The following ATP8A2 variants were observed in gnomAD, a reference collection of about 807,000 sequenced individuals.
ATP8A2 encodes the protein phospholipid-transporting ATPase IB.
A neutral mutation model predicts 165.6 loss-of-function variants in ATP8A2; 100 were observed. The ratio of observed to expected loss-of-function variants is 0.60; its 90% CI spans 0.51 to 0.71. ATP8A2 has a LOEUF of 0.71. ATP8A2 is among the 30% of genes least tolerant of loss of function. The probability of loss-of-function intolerance (pLI) is 0.00; values close to 1 mark genes in which losing one functional copy is unlikely to be tolerated. For missense variants in ATP8A2, 1,227 were observed against 1,479.5 expected, an observed-to-expected ratio of 0.83 and a Z score of 2.80; for synonymous variants, 543 against 548.8, an observed-to-expected ratio of 0.99 and a Z score of 0.15.
At chr13:25,600,489 T>C (rs2040354105) in intron 24 of ATP8A2, among the ~76,000 whole-genome samples, 1 of 152,132 alleles carries the variant, frequency 6.6e-6, no homozygotes, top group Admixed American at 6.5e-5. Context: ...AATTAGGTGC[T>C]TGTGAAATTA....
At chr13:25,571,175 T>A (rs2039457134) in intron 17 of ATP8A2, among the ~76,000 whole-genome samples, 1 of 152,126 alleles carries the variant, frequency 6.6e-6, no homozygotes, top group Non-Finnish European at 1.5e-5. Context: ...TTCTTCCTCA[T>A]CCTCCCCACC....
chr13:25,940,024 C>T (rs769638892), intron 33 of ATP8A2, among the ~76,000 whole-genome samples: 3 of 152,134 alleles, frequency 2.0e-5, no homozygotes, highest in African/African-American at 2.4e-5. Context: ...TTTGGCGAAA[C>T]GTGAAAGGAT....
At chr13:25,610,422 T>C (rs2040652846) in intron 24 of ATP8A2, among the ~76,000 whole-genome samples, 1 of 152,202 alleles carries the variant, frequency 6.6e-6, no homozygotes, top group African/African-American at 2.4e-5. Flanking sequence ...ATCAGTTGGC[T>C]GTAAGTATTT....
chr13:25,719,151 T>C (rs577770396), intron 25 of ATP8A2, among the ~76,000 whole-genome samples: 2 of 152,334 alleles, frequency 1.3e-5, no homozygotes, highest in South Asian at 4.1e-4. Context: ...GTGATCCGGC[T>C]CTATGCTTTA....
In ATP8A2 at chr13:25,468,981, T is replaced by G; in HGVS notation, c.81T>G (p.Pro27=). The G allele has an allele frequency of 2.5e-6, 4 of 1,613,956 alleles. No homozygotes were observed. In the South Asian group the frequency reaches 4.4e-5, roughly 18 times the overall value. Residue 27 remains proline (P), a synonymous_variant, in exon 2 of 37, where the codon CCT becomes CCG. Transcript: ENST00000381655. ...RRSRIRSSVG[P]VRSSLGYKKA... Reference sequence around the variant, plus strand: ...GCCTGCGCCCTGTCTCTGCAGGACCTGTTCGTTCTTCTTTGGGCTATAAGA... The same window carrying G: ...GCCTGCGCCCTGTCTCTGCAGGACCGGTTCGTTCTTCTTTGGGCTATAAGA...
chr13:25,450,571 G>A (rs534595929), intron 1 of ATP8A2, among the ~76,000 whole-genome samples: 37 of 152,032 alleles, frequency 2.4e-4, no homozygotes, highest in Middle Eastern at 3.4e-3. Flanking sequence ...TCGCTCTGTC[G>A]CCCAGGCTGG....
At position 25,372,300 on chromosome 13, in the gene ATP8A2, G is replaced by A. The variant is rs901476524; in HGVS notation, c.76+12G>A. On this transcript the variant is annotated intron_variant, in intron 1 of 36. Transcript: ENST00000381655. The surrounding 1 kb of genome is among the most constrained non-coding windows in gnomAD (Gnocchi z 4.8). ...CCGCTCGTCCGTGGGTGAGCTGGGA[G>A]GGGCGCGGCGAGGGAGGGTGGGCCC... The A allele has an allele frequency of 6.8e-7, 1 of 1,468,214 alleles. No individual in the cohort carries two copies. Among genetic ancestry groups the A allele is most frequent in the African/African-American group, 1.5e-5 (1 of 67,662 alleles). The allele number at this position is 1,468,214 out of a possible 1,614,324, so 90.9% of individuals were successfully genotyped here. A position where few individuals can be genotyped will look rare whatever the true frequency, so the allele number is the denominator to read the frequency against.
At chr13:25,751,467 A>G (rs929399685) in intron 25 of ATP8A2, among the ~76,000 whole-genome samples, 1 of 151,356 alleles carries the variant, frequency 6.6e-6, no homozygotes, top group Admixed American at 6.6e-5. Context: ...TTTTTCTTTT[A>G]AGAGACAGGG....
At chr13:25,502,387 T>C (rs1308966552) in intron 2 of ATP8A2, among the ~76,000 whole-genome samples, 1 of 152,190 alleles carries the variant, frequency 6.6e-6, no homozygotes, top group African/African-American at 2.4e-5. Flanking sequence ...ATTGGGAAAA[T>C]GAATTTACTG....
intron 33 of ATP8A2, among the ~76,000 whole-genome samples, chr13:25,881,725 C>T (rs921458658): frequency 5.3e-5 from 8 of 152,180 alleles, no homozygotes; most frequent in Admixed American, 1.3e-4. Flanking sequence ...CTATTCACTG[C>T]AGGTGTTTCC....
intron 4 of ATP8A2, among the ~76,000 whole-genome samples, chr13:25,531,398 T>TA (rs1566230250): frequency 5.7e-5 from 5 of 87,294 alleles, no homozygotes; most frequent in African/African-American, 2.4e-4. Context: ...ATATATATGA[T>TA]TATATATATG....
chr13:25,822,760 T>A (rs1006151512), intron 27 of ATP8A2, among the ~76,000 whole-genome samples: 3 of 152,290 alleles, frequency 2.0e-5, no homozygotes, highest in Admixed American at 2.0e-4. Context: ...AGTTTCAAAT[T>A]TGTCCCTCAT....
intron 33 of ATP8A2, among the ~76,000 whole-genome samples, chr13:25,939,735 G>A (rs749342870): frequency 2.6e-5 from 4 of 152,072 alleles, no homozygotes; most frequent in Admixed American, 6.5e-5. Flanking sequence ...CCGATTCCCC[G>A]ACTCACAGCC....
Position 25,372,326 on chromosome 13 carries a change from G to A in ATP8A2, c.76+38G>A. ...GGGCGCGGCGAGGGAGGGTGGGCCC[G>A]GGGCGGGGGCGGCGCGGGGCGCGCC... is the stretch of plus-strand genomic sequence containing the variant. On this transcript the variant is annotated intron_variant, in intron 1 of 36. Transcript: ENST00000381655. This position sits in a 1 kb window ranked among gnomAD's most constrained non-coding sequence, Gnocchi z 4.8. The A allele has an allele frequency of 7.2e-7, 1 of 1,393,754 alleles. No homozygotes were observed. The highest frequency in any genetic ancestry group is 9.5e-7 in the Non-Finnish European group (1 of 1,055,980). 86.3% of individuals were successfully genotyped at this position (1,393,754 alleles called of 1,614,324 possible).
At chr13:25,757,487 A>G (rs2044287251) in intron 25 of ATP8A2, among the ~76,000 whole-genome samples, 2 of 140,622 alleles carry the variant, frequency 1.4e-5, no homozygotes, top group African/African-American at 2.7e-5. Flanking sequence ...GTGCCAGTTC[A>G]GTGTAACGAT....
At chr13:25,844,392 G>A (rs1186022455) in intron 30 of ATP8A2, among the ~76,000 whole-genome samples, 5 of 151,980 alleles carry the variant, frequency 3.3e-5, no homozygotes, top group East Asian at 3.9e-4. Context: ...CACCATGCCC[G>A]GCTAATTTTT....
intron 25 of ATP8A2, among the ~76,000 whole-genome samples, chr13:25,753,921 G>A (rs1409503440): frequency 6.6e-6 from 1 of 152,216 alleles, no homozygotes; most frequent in Non-Finnish European, 1.5e-5. Flanking sequence ...CAACATCCAT[G>A]TATGCTTTTC....
At chr13:25,532,574 A>T (rs1195059013) in intron 5 of ATP8A2, among the ~76,000 whole-genome samples, 1 of 152,194 alleles carries the variant, frequency 6.6e-6, no homozygotes, top group Non-Finnish European at 1.5e-5. Context: ...TGTCCATAAA[A>T]AGTCTAAGCA....
chr13:25,561,101 G>C (rs1251911506), intron 15 of ATP8A2, among the ~76,000 whole-genome samples: 7 of 152,048 alleles, frequency 4.6e-5, no homozygotes, highest in Non-Finnish European at 7.4e-5. Context: ...TAGCCAGGAT[G>C]GTCTTGATCT....
Sources: gnomAD v4.1 joint callset for allele counts (sites outside exome capture counted in the v4.1 genomes callset) on GRCh38, gnomAD v4.1.1 for gene constraint, Gnocchi (gnomAD v3.1) non-coding constraint, MANE v1.5 for transcripts, NCBI Gene and HGNC (gene_info 2026-07-23, HGNC 2026-07-21) for gene names.